Variants in RBFOX3 observed in about 807,000 individuals in gnomAD.
RBFOX3 encodes the protein RNA binding protein fox-1 homolog 3.
RBFOX3 carries 17 observed loss-of-function variants against 48.7 expected under a neutral mutation model. That is an observed-to-expected ratio of 0.35 (90% CI 0.24 to 0.52). RBFOX3 has a LOEUF of 0.52. RBFOX3 is among the 20% of genes least tolerant of loss of function. The probability of loss-of-function intolerance (pLI) is 0.94; values close to 1 mark genes in which losing one functional copy is unlikely to be tolerated. For missense variants in RBFOX3, 382 were observed against 497.5 expected (o/e 0.77, Z 2.21); for synonymous variants, 212 against 209.5 (o/e 1.01, Z -0.10).
intron 4 of RBFOX3, among the ~76,000 whole-genome samples, chr17:79,148,418 G>GA (rs1380020871): frequency 1.3e-5 from 2 of 152,200 alleles, no homozygotes; most frequent in Non-Finnish European, 2.9e-5. Flanking sequence ...AGAAGTTGGG[G>GA]GGTGGAAGGG....
At chr17:79,354,052 CAG>C (rs776004438) in intron 2 of RBFOX3, among the ~76,000 whole-genome samples, 46 of 152,284 alleles carry the variant, frequency 3.0e-4, no homozygotes, top group Admixed American at 1.0e-3. Flanking sequence ...TGGGAAGGTA[CAG>C]AGAGTTCCCA....
intron 1 of RBFOX3, among the ~76,000 whole-genome samples, chr17:79,552,414 C>G (rs1301364710): frequency 1.3e-5 from 2 of 152,116 alleles, no homozygotes; most frequent in Non-Finnish European, 2.9e-5. Context: ...ACACTGCAAC[C>G]TCACCCTGAC....
chr17:79,161,651 A>G (rs573049334), intron 4 of RBFOX3, among the ~76,000 whole-genome samples: 26 of 152,242 alleles, frequency 1.7e-4, no homozygotes, highest in Non-Finnish European at 2.6e-4. Context: ...GCTGGAGTGC[A>G]GTGGCGCGAT....
intron 1 of RBFOX3, among the ~76,000 whole-genome samples, chr17:79,499,960 T>A (rs1053817570): frequency 1.2e-4 from 18 of 152,194 alleles, no homozygotes; most frequent in Non-Finnish European, 1.3e-4. Context: ...TTCCCTACCC[T>A]CTATGAATCT....
At chr17:79,110,719 C>A (rs2030959273) in intron 5 of RBFOX3, among the ~76,000 whole-genome samples, 1 of 152,162 alleles carries the variant, frequency 6.6e-6, no homozygotes, top group Admixed American at 6.5e-5. Flanking sequence ...ACTGGTGGCC[C>A]CTCCTTGGGT....
chr17:79,157,594 T>G (rs1409428283), intron 4 of RBFOX3, among the ~76,000 whole-genome samples: 1 of 152,314 alleles, frequency 6.6e-6, no homozygotes, highest in East Asian at 1.9e-4. Flanking sequence ...CGGGTTTCCC[T>G]AAGTCCCTAA....
rs943114335 is a variant in RBFOX3 at position 79,500,688 on chromosome 17, G to A, written c.-319-18090C>T. Among the ~76,000 whole-genome samples, 26 of 152,060 alleles carry A rather than the reference G, an allele frequency of 1.7e-4. No homozygotes were observed. The East Asian group carries it at 3.1e-3, about 18-fold the overall frequency. ...TATCAAAAGACATTGATTATGAAAC[G>A]TCTAGTTCTGTCTCCCTTACAAACC... On this transcript the variant is annotated intron_variant, in intron 1 of 14. Coordinates refer to ENST00000693108, the MANE Select transcript of RBFOX3 (RefSeq NM_001350451.2).
intron 1 of RBFOX3, among the ~76,000 whole-genome samples, chr17:79,587,001 T>C (rs1431831245): frequency 1.3e-5 from 2 of 151,982 alleles, no homozygotes; most frequent in African/African-American, 2.4e-5. Flanking sequence ...GGAGGTAAAA[T>C]AAAAAATAGA....
intron 2 of RBFOX3, among the ~76,000 whole-genome samples, chr17:79,370,657 C>T (rs1468517529): frequency 6.6e-6 from 1 of 152,206 alleles, no homozygotes; most frequent in Non-Finnish European, 1.5e-5. Context: ...TGTGTGCTCA[C>T]TCACACAGGC....
chr17:79,385,352 C>A (rs1448520080), intron 2 of RBFOX3, among the ~76,000 whole-genome samples: 2 of 152,194 alleles, frequency 1.3e-5, no homozygotes, highest in Non-Finnish European at 2.9e-5. Context: ...GCAAGACCCA[C>A]AAAGGTCACT....
intron 1 of RBFOX3, among the ~76,000 whole-genome samples, chr17:79,540,206 C>T (rs1265132628): frequency 1.3e-5 from 2 of 152,224 alleles, no homozygotes; most frequent in African/African-American, 4.8e-5. Context: ...TCGGAGTGAG[C>T]ATTTCAGCAG....
chr17:79,331,478 A>G (rs144382253), intron 2 of RBFOX3, among the ~76,000 whole-genome samples: 3 of 152,012 alleles, frequency 2.0e-5, no homozygotes, highest in Admixed American at 6.5e-5. Context: ...CCCAACACAA[A>G]TGTTTCGCTT....
chr17:79,343,284 G>C (rs2082378544), intron 2 of RBFOX3, among the ~76,000 whole-genome samples: 1 of 152,130 alleles, frequency 6.6e-6, no homozygotes, highest in Non-Finnish European at 1.5e-5. Context: ...CCAGCACTTT[G>C]GGAGGCCTAG....
At chr17:79,613,612 A>G (rs2093983102), upstream of RBFOX3, among the ~76,000 whole-genome samples, 1 of 152,232 alleles carries the variant, frequency 6.6e-6, no homozygotes, top group South Asian at 2.1e-4. Flanking sequence ...TGGGGCCAAC[A>G]GGACGACTGA....
chr17:79,645,873 GA>G, the RBFOX3 span, among the ~76,000 whole-genome samples: 1,598 of 152,320 alleles, frequency 0.01, 27 homozygotes, highest in African/African-American at 0.037. Context: ...GAGGGGCCCA[GA>G]ACCAACCTGT....
chr17:79,456,438 G>T (rs1377684637), intron 2 of RBFOX3, among the ~76,000 whole-genome samples: 3 of 151,808 alleles, frequency 2.0e-5, no homozygotes, highest in Non-Finnish European at 2.9e-5. Flanking sequence ...CCCCTCCCCA[G>T]CTGTGACAAC....
intron 1 of RBFOX3, among the ~76,000 whole-genome samples, chr17:79,541,643 G>A (rs2089708729): frequency 6.6e-6 from 1 of 152,170 alleles, no homozygotes; most frequent in Non-Finnish European, 1.5e-5. Flanking sequence ...TCTGCACCCT[G>A]GTCAGTTACA....
At chr17:79,490,922 T>C (rs2080401258) in intron 1 of RBFOX3, among the ~76,000 whole-genome samples, 3 of 148,474 alleles carry the variant, frequency 2.0e-5, no homozygotes, top group South Asian at 4.4e-4. Flanking sequence ...GAAGAGCCAA[T>C]AGAGAGACAT....
At chr17:79,651,057 C>T in the RBFOX3 span, among the ~76,000 whole-genome samples, 1 of 152,234 alleles carries the variant, frequency 6.6e-6, no homozygotes, top group African/African-American at 2.4e-5. Flanking sequence ...CTGCACTGTT[C>T]CTCAGAGGTC....
Sources: gnomAD v4.1 joint callset for allele counts (sites outside exome capture counted in the v4.1 genomes callset) on GRCh38, gnomAD v4.1.1 for gene constraint, MANE v1.5 for transcripts, NCBI Gene and HGNC (gene_info 2026-07-23, HGNC 2026-07-21) for gene names.